The following HTT variants were observed in gnomAD, a reference collection of about 807,000 sequenced individuals.
HTT encodes huntington disease protein.
In HTT, 104 loss-of-function variants were observed where a neutral mutation model predicts 362.3. The ratio of observed to expected loss-of-function variants is 0.29; its 90% confidence interval spans 0.24 to 0.34. The LOEUF (loss-of-function observed/expected upper bound fraction) is 0.34, where lower values mean the gene tolerates loss of function less well. Among genes scored for constraint, HTT ranks in the 10% least tolerant of loss-of-function variants. HTT has a pLI of 1.00. For synonymous variants in HTT, 1,577 were observed against 1,548.7 expected, an observed-to-expected ratio of 1.02 and a Z score of -0.43; for missense variants, 3,301 against 3,928.6, an observed-to-expected ratio of 0.84 and a Z score of 4.27.
At chr4:3,170,265 A>C (rs988548912) in intron 29 of HTT, among the ~76,000 whole-genome samples, 2 of 152,002 alleles carry the variant, frequency 1.3e-5, no homozygotes, top group African/African-American at 4.8e-5. Context: ...AATTTGTCAG[A>C]TGGGTTGGAG....
intron 12 of HTT, among the ~76,000 whole-genome samples, chr4:3,128,044 C>T (rs1434272341): frequency 1.3e-5 from 2 of 151,996 alleles, no homozygotes; most frequent in African/African-American, 2.4e-5. Flanking sequence ...GCGATTCTCC[C>T]GCCTCAGCCT....
At chr4:3,080,565 C>T (rs1034233067) in intron 1 of HTT, among the ~76,000 whole-genome samples, 1 of 152,026 alleles carries the variant, frequency 6.6e-6, no homozygotes, top group African/African-American at 2.4e-5. Context: ...TTTTTACTTT[C>T]TTGATAGTGT....
chr4:3,203,289 A>G (rs972708774), intron 41 of HTT, among the ~76,000 whole-genome samples: 2 of 152,228 alleles, frequency 1.3e-5, no homozygotes, highest in African/African-American at 4.8e-5. Flanking sequence ...GTATTTCAGA[A>G]TATTCTTAGC....
Position 3,241,094 on chromosome 4 carries a change from G to A in HTT, c.*1035G>A, listed in dbSNP as rs1308268743. ...CCTGTTCCTTGCTAGCCCTGGGGTG[G>A]CGTCTGCCTAGGAGCTGGCTGGCAG... On this transcript the variant is annotated 3_prime_UTR_variant, in exon 67 of 67. Coordinates refer to ENST00000355072, the MANE Select transcript of HTT (RefSeq NM_001388492.1). 1 of 152,506 alleles carries A rather than the reference G, an allele frequency of 6.6e-6. No individual in the cohort carries two copies. The highest frequency in any genetic ancestry group is 1.5e-5 in the Non-Finnish European group (1 of 68,308). 9.4% of individuals were successfully genotyped at this position (152,506 alleles called of 1,614,324 possible). A position where few individuals can be genotyped will look rare whatever the true frequency, so the allele number is the denominator to read the frequency against.
intron 51 of HTT, among the ~76,000 whole-genome samples, chr4:3,217,081 A>G (rs1230890270): frequency 2.0e-5 from 3 of 152,162 alleles, no homozygotes; most frequent in South Asian, 2.1e-4. Context: ...TTAATTGCTT[A>G]AGTCCAATGA....
At chr4:3,236,323 T>G (rs1721529277) in intron 64 of HTT, 69 bp downstream of exon 64, 1 of 1,065,046 alleles carries the variant, frequency 9.4e-7, no homozygotes, top group Admixed American at 1.7e-5. Flanking sequence ...TGTGCTTTTG[T>G]GTGTGTCTGC....
chr4:3,166,157 AACAG>A (rs1284837044), intron 29 of HTT, among the ~76,000 whole-genome samples: 3 of 152,104 alleles, frequency 2.0e-5, no homozygotes, highest in Admixed American at 6.5e-5. Flanking sequence ...TTTTCCTTCT[AACAG>A]ACAGGCCCCT....
chr4:3,093,252 C>G (rs557041900), intron 2 of HTT, among the ~76,000 whole-genome samples: 2 of 152,290 alleles, frequency 1.3e-5, no homozygotes, highest in African/African-American at 4.8e-5. Flanking sequence ...TTTCTAATCA[C>G]ACCAGTTGGA....
chr4:3,101,734 G>T (rs1042216882), intron 3 of HTT, among the ~76,000 whole-genome samples: 2 of 152,228 alleles, frequency 1.3e-5, no homozygotes, highest in African/African-American at 4.8e-5. Context: ...AGGTAGGTTA[G>T]TCTCAGGCGG....
At chr4:3,095,279 C>T (rs1216064522) in intron 2 of HTT, among the ~76,000 whole-genome samples, 1 of 152,234 alleles carries the variant, frequency 6.6e-6, no homozygotes, top group African/African-American at 2.4e-5. Context: ...AATCCCGGCA[C>T]CTCGGGAGGC....
rs556813871 is a variant in HTT at position 3,209,071 on chromosome 4, A to G, written c.6291+160A>G. 3.9e-5 allele frequency among the ~76,000 whole-genome samples: 6 copies of G among 152,344 alleles called. No individual in the cohort carries two copies. The East Asian group carries it at 7.7e-4, about 20-fold the overall frequency. On this transcript the variant is annotated intron_variant, in intron 46 of 66. Coordinates refer to ENST00000355072, the MANE Select transcript of HTT (RefSeq NM_001388492.1). ...TGGTTAGAGACGTGGGGGGCCATCA[A>G]GGTCTGAGGGAGCCAAGCAGTGCTG...
At chr4:3,153,458 T>C (rs969839276) in intron 26 of HTT, among the ~76,000 whole-genome samples, 7 of 152,190 alleles carry the variant, frequency 4.6e-5, no homozygotes, top group Non-Finnish European at 7.3e-5. Flanking sequence ...TCCTAGAGCA[T>C]TGGGAGTCTC....
chr4:3,130,441 G>T lies in HTT; in HGVS notation c.1986+18G>T. ...AAAACAAGGTGAGGGACATAGGCTTGAGACGACTTGGTGTTTCTGAGCTTG... is the reference window on the plus strand; with the variant it reads ...AAAACAAGGTGAGGGACATAGGCTTTAGACGACTTGGTGTTTCTGAGCTTG... On this transcript the variant is annotated intron_variant, in intron 14 of 66. Coordinates refer to ENST00000355072, the MANE Select transcript of HTT (RefSeq NM_001388492.1). 7.4e-7 allele frequency: 1 copy of T among 1,358,706 alleles called. No individual in the cohort carries two copies. Among genetic ancestry groups the T allele is most frequent in the Non-Finnish European group, 1.0e-6 (1 of 963,832 alleles). 84.2% of individuals were successfully genotyped at this position (1,358,706 alleles called of 1,614,324 possible). A position where few individuals can be genotyped will look rare whatever the true frequency, so the allele number is the denominator to read the frequency against.
At position 3,220,333 on chromosome 4, in the gene HTT, G is replaced by C. The variant is rs750995922; in HGVS notation, c.7369+25G>C. The C allele has an allele frequency of 4.4e-6, 7 of 1,601,730 alleles. No individual in the cohort carries two copies. The South Asian group carries it at 5.5e-5, about 13-fold the overall frequency. On this transcript the variant is annotated intron_variant, in intron 53 of 66. Coordinates refer to ENST00000355072, the MANE Select transcript of HTT (RefSeq NM_001388492.1). ...GGTACTCTTGGGGCCTCTCCTTCAG[G>C]TCACCATTGTCGGACATCTACCGGG...
At chr4:3,223,325 C>G in intron 54 of HTT, 81 bp from the exon 55 acceptor site, 1 of 1,343,062 alleles carries the variant, frequency 7.4e-7, no homozygotes, top group Non-Finnish European at 1.0e-6. Flanking sequence ...CCCATTGAGG[C>G]AGGGAAGACT....
chr4:3,174,706 A>T lies in HTT; in HGVS notation c.4167-15A>T. 6.3e-7 allele frequency: 1 copy of T among 1,599,998 alleles called. No homozygotes were observed. The highest frequency in any genetic ancestry group is 8.6e-7 in the Non-Finnish European group (1 of 1,167,304). On this transcript the variant is annotated splice_polypyrimidine_tract_variant and intron_variant, in intron 31 of 66. Coordinates refer to ENST00000355072, the MANE Select transcript of HTT (RefSeq NM_001388492.1). ...TATTCTCATTCTCTGCTTCCCTTTT[A>T]TTCCCATTTGGCAGATGGTTTGATG... is the stretch of plus-strand genomic sequence containing the variant.
At chr4:3,157,014 A>C (rs1245983048) in intron 27 of HTT, 58 bp from the exon 28 acceptor site, 3 of 1,442,116 alleles carry the variant, frequency 2.1e-6, no homozygotes, top group Non-Finnish European at 2.8e-6. Flanking sequence ...TAATCTCTTT[A>C]AAACTTGGCA....
In HTT at chr4:3,157,223, A is replaced by G. The variant is rs768109985; in HGVS notation, c.3753+24A>G. 1.9e-6 allele frequency: 3 copies of G among 1,600,310 alleles called. 1 individual carries two copies. In the South Asian group the frequency reaches 3.4e-5, roughly 18 times the overall value. On this transcript the variant is annotated intron_variant, in intron 28 of 66. Transcript: ENST00000355072. ...AGGTATGGGCCTCTGCATCTTTTAAAAATATATATGCACACATACTTACGT... is the reference window on the plus strand; with the variant it reads ...AGGTATGGGCCTCTGCATCTTTTAAGAATATATATGCACACATACTTACGT...
rs1198887755 is a variant in HTT at position 3,218,582 on chromosome 4, G to A, written c.7242+630G>A. On this transcript the variant is annotated intron_variant, in intron 52 of 66. Transcript: ENST00000355072. The surrounding 1 kb of genome is among the most constrained non-coding windows in gnomAD (Gnocchi z 4.4). ...CAGGAGGCGAAGGTTGCAGTAAGCC[G>A]AGATCGCGCCACTGCACTCTAGCCT... 6.6e-6 allele frequency among the ~76,000 whole-genome samples: 1 copy of A among 151,900 alleles called. No individual in the cohort carries two copies. Among genetic ancestry groups the A allele is most frequent in the Non-Finnish European group, 1.5e-5 (1 of 68,002 alleles).
Sources: gnomAD v4.1 joint callset for allele counts (sites outside exome capture counted in the v4.1 genomes callset) on GRCh38, gnomAD v4.1.1 for gene constraint, Gnocchi (gnomAD v3.1) non-coding constraint, MANE v1.5 for transcripts, NCBI Gene and HGNC (gene_info 2026-07-23, HGNC 2026-07-21) for gene names.